Variants in PDE8B observed in about 807,000 individuals in gnomAD.
PDE8B encodes the protein high affinity cAMP-specific and IBMX-insensitive 3',5'-cyclic phosphodiesterase 8B.
A neutral mutation model predicts 101.3 loss-of-function variants in PDE8B; 26 were observed. The ratio of observed to expected loss-of-function variants is 0.26; its 90% CI spans 0.19 to 0.36. The LOEUF is 0.36. PDE8B is among the 10% of genes least tolerant of loss of function. The pLI is 1.00. For missense variants in PDE8B, 810 were observed against 1,163.1 expected (o/e 0.70, Z 4.42); for synonymous variants, 424 against 429.3 (o/e 0.99, Z 0.15).
intron 1 of PDE8B, among the ~76,000 whole-genome samples, chr5:77,260,157 CA>C (rs66923234): frequency 0.015 from 1,505 of 100,914 alleles, 23 homozygotes; most frequent in African/African-American, 0.048. Flanking sequence ...AACTCCATCA[CA>C]AAAAAAAAAA....
At chr5:77,382,440 T>C (rs1477013424) in intron 10 of PDE8B, among the ~76,000 whole-genome samples, 1 of 152,216 alleles carries the variant, frequency 6.6e-6, no homozygotes, top group Non-Finnish European at 1.5e-5. Context: ...TTTAACTTTT[T>C]TTTAATTATA....
At chr5:77,418,472 TCAAGTTTG>T (rs1796002370) in intron 18 of PDE8B, 26 bp downstream of exon 18, 1 of 1,547,380 alleles carries the variant, frequency 6.5e-7, no homozygotes. Context: ...GCTCCTGTGC[TCAAGTTTG>T]TGAAGTTTAA....
intron 2 of PDE8B, among the ~76,000 whole-genome samples, chr5:77,319,389 A>G (rs1368944838): frequency 6.6e-6 from 1 of 152,174 alleles, no homozygotes; most frequent in Non-Finnish European, 1.5e-5. Context: ...TATTCAGCCT[A>G]AGTACAGACA....
chr5:77,222,386 G>A (rs1330318312), intron 1 of PDE8B, among the ~76,000 whole-genome samples: 1 of 152,186 alleles, frequency 6.6e-6, no homozygotes, highest in Non-Finnish European at 1.5e-5. Context: ...CACTTTGGGA[G>A]GCTGAGGCGG....
At chr5:77,261,447 G>C (rs1323102157) in intron 1 of PDE8B, among the ~76,000 whole-genome samples, 1 of 152,190 alleles carries the variant, frequency 6.6e-6, no homozygotes. Flanking sequence ...GTTGAAGATT[G>C]GCAAGACTAT....
intron 1 of PDE8B, among the ~76,000 whole-genome samples, chr5:77,212,965 T>A (rs566989238): frequency 1.3e-5 from 2 of 152,330 alleles, no homozygotes; most frequent in Admixed American, 6.5e-5. Flanking sequence ...TGAATTTTTG[T>A]TTTCTAGAAT....
chr5:77,108,048 A>T, the PDE8B span, among the ~76,000 whole-genome samples: 2 of 152,078 alleles, frequency 1.3e-5, no homozygotes, highest in African/African-American at 4.8e-5. Context: ...AACTCCTGGG[A>T]TGCATATATT....
At chr5:77,315,017 T>C (rs921411363) in intron 2 of PDE8B, among the ~76,000 whole-genome samples, 4 of 152,274 alleles carry the variant, frequency 2.6e-5, no homozygotes, top group Admixed American at 2.6e-4. Context: ...CATTTTTTAA[T>C]TGGGTTAATT....
intron 14 of PDE8B, among the ~76,000 whole-genome samples, chr5:77,409,772 T>G (rs758554786): frequency 2.0e-5 from 3 of 152,270 alleles, no homozygotes; most frequent in Non-Finnish European, 4.4e-5. Context: ...GCTGGAATTC[T>G]TTAGAAAAAA....
At chr5:77,200,022 A>G in the PDE8B span, among the ~76,000 whole-genome samples, 1 of 148,608 alleles carries the variant, frequency 6.7e-6, no homozygotes, top group Non-Finnish European at 1.5e-5. Flanking sequence ...TTTAAACTCT[A>G]TATAGTAAAA....
In PDE8B at chr5:77,416,348, G is replaced by A. The variant is rs545271006; in HGVS notation, c.1912-1881G>A. Among the ~76,000 whole-genome samples the A allele has an allele frequency of 2.0e-5, 3 of 152,348 alleles. No individual in the cohort carries two copies. In the South Asian group the frequency reaches 6.2e-4, roughly 32 times the overall value. On this transcript the variant is annotated intron_variant, in intron 17 of 21. Coordinates refer to ENST00000264917, the MANE Select transcript of PDE8B (RefSeq NM_003719.5). The stretch of plus-strand genomic sequence containing the variant: ...TGAACATACCACAGTGGCACTAGCT[G>A]GAGGCCCAGAGTTTGGGCCCCGTGG...
intron 1 of PDE8B, among the ~76,000 whole-genome samples, chr5:77,242,425 C>A (rs1028172666): frequency 1.3e-5 from 2 of 152,178 alleles, no homozygotes; most frequent in Non-Finnish European, 2.9e-5. Flanking sequence ...AATAGTTGTG[C>A]AGAATGTTAG....
At chr5:77,201,981 T>A in the PDE8B span, among the ~76,000 whole-genome samples, 1 of 152,182 alleles carries the variant, frequency 6.6e-6, no homozygotes, top group African/African-American at 2.4e-5. Context: ...TTTCTCTGTG[T>A]GCATGCAGGA....
chr5:77,366,765 T>A (rs911251623), intron 10 of PDE8B, among the ~76,000 whole-genome samples: 1 of 152,126 alleles, frequency 6.6e-6, no homozygotes, highest in African/African-American at 2.4e-5. Context: ...CCCAGAGACA[T>A]GTTCTATATT....
chr5:77,200,480 T>C, the PDE8B span, among the ~76,000 whole-genome samples: 1 of 152,214 alleles, frequency 6.6e-6, no homozygotes, highest in Non-Finnish European at 1.5e-5. Context: ...TCCTTGGTTT[T>C]GTGAGGCTTG....
Position 77,428,043 on chromosome 5 carries a change from C to G in PDE8B, c.*1489C>G, listed in dbSNP as rs960429980. On this transcript the variant is annotated 3_prime_UTR_variant, in exon 22 of 22. Transcript: ENST00000264917. ...CAAAAATGGAAAAATATGACAATTC[C>G]ATGCAAAGAAATGTATCTAAATTAT... is the stretch of plus-strand genomic sequence containing the variant. 6.6e-6 allele frequency: 1 copy of G among 152,074 alleles called. No homozygotes were observed. Among genetic ancestry groups the G allele is most frequent in the African/African-American group, 2.4e-5 (1 of 41,398 alleles). The allele number at this position is 152,074 out of a possible 1,614,324, so 9.4% of individuals were successfully genotyped here. A position where few individuals can be genotyped will look rare whatever the true frequency, so the allele number is the denominator to read the frequency against.
chr5:77,099,890 G>A, the PDE8B span, among the ~76,000 whole-genome samples: 9 of 152,176 alleles, frequency 5.9e-5, no homozygotes, highest in South Asian at 2.1e-4. Flanking sequence ...GATTACAGGC[G>A]TGAACCACAA....
Position 77,331,412 on chromosome 5 carries a change from C to T in PDE8B, c.661C>T (p.His221Tyr), listed in dbSNP as rs367567022. 53 of 1,613,660 alleles carry T rather than the reference C, an allele frequency of 3.3e-5. No homozygotes were observed. The African/African-American group carries it at 6.4e-4, about 20-fold the overall frequency. ...LAVVSRVSDD[H>Y]EEASVLPLLH... is the part of the protein sequence containing the mutation. The stretch of plus-strand genomic sequence containing the variant: ...TCTGCTTTGCTGCAGATCGGATGAC[C>T]ATGAAGAGGCGTCAGTCCTTCCTCT... The change falls in exon 5 of 22, where the codon CAT becomes TAT. Residue 221 changes from histidine to tyrosine, a missense_variant. By Grantham distance (83) the His-to-Tyr change is moderately conservative (BLOSUM62 2). This residue lies in a region of PDE8B where 251 missense variants were observed against 378.8 expected (regional missense o/e 0.66). Transcript: ENST00000264917.
intron 12 of PDE8B, among the ~76,000 whole-genome samples, chr5:77,406,658 C>T (rs1793521647): frequency 6.6e-6 from 1 of 152,170 alleles, no homozygotes; most frequent in Non-Finnish European, 1.5e-5. Context: ...TTCAGTGATC[C>T]CATCCATGAA....
Sources: gnomAD v4.1 joint callset for allele counts (sites outside exome capture counted in the v4.1 genomes callset) on GRCh38, gnomAD v4.1.1 for gene constraint, gnomAD v4.1.1 regional missense constraint, MANE v1.5 for transcripts, NCBI Gene and HGNC (gene_info 2026-07-23, HGNC 2026-07-21) for gene names.